CITED4: variants seen among roughly 807,000 people sequenced by gnomAD.
CITED4 encodes Cbp/p300 interacting transactivator with ED-rich tail 4, also known as cbp/p300-interacting transactivator 4.
A neutral mutation model predicts 3.3 loss-of-function variants in CITED4; 3 were observed. That is an observed-to-expected ratio of 0.92 (90% CI 0.42 to 2.38). The LOEUF is 2.38. CITED4 is among the 30% of genes most tolerant of loss of function. The probability of loss-of-function intolerance (pLI) is 0.05; values close to 1 mark genes in which losing one functional copy is unlikely to be tolerated. For synonymous variants in CITED4, 167 were observed against 145.8 expected (o/e 1.15, Z -1.05); for missense variants, 333 against 274.2 (o/e 1.21, Z -1.51).
rs563742090 is a variant in CITED4 at position 40,861,558 on chromosome 1, G to A, written c.*15C>T. The A allele has an allele frequency of 3.1e-4, 432 of 1,380,580 alleles. 1 individual carries two copies. The African/African-American group carries it at 6.0e-3, about 19-fold the overall frequency. 85.5% of individuals were successfully genotyped at this position (1,380,580 alleles called of 1,614,324 possible). A position where few individuals can be genotyped will look rare whatever the true frequency, so the allele number is the denominator to read the frequency against. On this transcript the variant is annotated 3_prime_UTR_variant, in exon 1 of 1. Coordinates refer to ENST00000372638, the MANE Select transcript of CITED4 (RefSeq NM_133467.3). ...CTTTCTCCTCTCCGGCACGCCGGGCGGGCGCCGGCCGCCCTCAGCAGCTCA... is the reference window on the plus strand; with the variant it reads ...CTTTCTCCTCTCCGGCACGCCGGGCAGGCGCCGGCCGCCCTCAGCAGCTCA...
chr1:40,861,955 TGGC>T lies in CITED4; in HGVS notation c.170_172del (p.Arg57del), dbSNP rs1649393290. 8.0e-7 allele frequency: 1 copy of T among 1,244,242 alleles called. No individual in the cohort carries two copies. Among genetic ancestry groups the T allele is most frequent in the Non-Finnish European group, 1.0e-6 (1 of 994,336 alleles). The allele number at this position is 1,244,242 out of a possible 1,614,324, so 77.1% of individuals were successfully genotyped here. ...GGCCCCGTACGCCAGGGCCCCGGGT[TGGC>T]GGGGCGGCGGCGGCCCCAGCGGAGC... is the stretch of plus-strand genomic sequence containing the variant. On this transcript the variant is annotated inframe_deletion, in exon 1 of 1. Coordinates refer to ENST00000372638, the MANE Select transcript of CITED4 (RefSeq NM_133467.3).
Position 40,861,501 on chromosome 1 carries a change from G to C in CITED4, c.*72C>G, listed in dbSNP as rs1473351267. 4 of 990,912 alleles carry C rather than the reference G, an allele frequency of 4.0e-6. No individual in the cohort carries two copies. The East Asian group carries it at 1.4e-4, about 36-fold the overall frequency. 61.4% of individuals were successfully genotyped at this position (990,912 alleles called of 1,614,324 possible). A position where few individuals can be genotyped will look rare whatever the true frequency, so the allele number is the denominator to read the frequency against. ...CGGAGGGCGCGCGCGGGGCCCAGTC[G>C]CTGGGTGCAGGGTCCGGCGGGCAGT... is the stretch of plus-strand genomic sequence containing the variant. On this transcript the variant is annotated 3_prime_UTR_variant, in exon 1 of 1. Transcript: ENST00000372638.
rs1649397397 is a variant in CITED4, at chr1:40,862,041, G to C, written c.87C>G (p.Leu29=). The part of the protein sequence containing the change: ...SAAAAHGPHA[L]RTLPPYAGPG... ...GGCCCGCGTACGGCGGCAGAGTCCGGAGCGCATGAGGGCCATGGGCGGCCG... is the reference window on the plus strand; with the variant it reads ...GGCCCGCGTACGGCGGCAGAGTCCGCAGCGCATGAGGGCCATGGGCGGCCG... Residue 29 remains leucine, a synonymous_variant, in exon 1 of 1, where the codon CTC becomes CTG. Coordinates refer to ENST00000372638, the MANE Select transcript of CITED4 (RefSeq NM_133467.3). The C allele has an allele frequency of 7.6e-7, 1 of 1,321,306 alleles. No homozygotes were observed. The highest frequency in any genetic ancestry group is 9.7e-7 in the Non-Finnish European group (1 of 1,034,766). The allele number at this position is 1,321,306 out of a possible 1,614,324, so 81.8% of individuals were successfully genotyped here. A position where few individuals can be genotyped will look rare whatever the true frequency, so the allele number is the denominator to read the frequency against.
rs1457172649 is a variant in CITED4 at position 40,861,953 on chromosome 1, G to C, written c.175C>G (p.Pro59Ala). Residue 59 changes from proline to alanine, a missense_variant, in exon 1 of 1, where the codon CCC becomes GCC. Transcript: ENST00000372638. ...APLGPPPPRQ[P>A]GALAYGAFGP... ...AAGGCCCCGTACGCCAGGGCCCCGG[G>C]TTGGCGGGGCGGCGGCGGCCCCAGC... 1 of 1,245,968 alleles carries C rather than the reference G, an allele frequency of 8.0e-7. No individual in the cohort carries two copies. Among genetic ancestry groups the C allele is most frequent in the Non-Finnish European group, 1.0e-6 (1 of 994,822 alleles). The allele number at this position is 1,245,968 out of a possible 1,614,324, so 77.2% of individuals were successfully genotyped here.
rs1360303726 is a variant in CITED4 at position 40,862,286 on chromosome 1, C to CA, written c.-160dup. ...ACCAAACCCGACTGGTGCCCCGGCC[C>CA]AGCCCACTACTGCGCACCTTGCGGC... On this transcript the variant is annotated 5_prime_UTR_variant, in exon 1 of 1. Transcript: ENST00000372638. The CA allele has an allele frequency of 2.7e-6, 1 of 370,352 alleles. No homozygotes were observed. Among genetic ancestry groups the CA allele is most frequent in the Non-Finnish European group, 4.7e-6 (1 of 214,246 alleles). The allele number at this position is 370,352 out of a possible 1,614,324, so 22.9% of individuals were successfully genotyped here. A position where few individuals can be genotyped will look rare whatever the true frequency, so the allele number is the denominator to read the frequency against.
chr1:40,861,292 G>T lies in CITED4; in HGVS notation c.*281C>A. 1 of 219,662 alleles carries T rather than the reference G, an allele frequency of 4.6e-6. No individual in the cohort carries two copies. Among genetic ancestry groups the T allele is most frequent in the Non-Finnish European group, 9.0e-6 (1 of 111,576 alleles). The allele number at this position is 219,662 out of a possible 1,614,324, so 13.6% of individuals were successfully genotyped here. A position where few individuals can be genotyped will look rare whatever the true frequency, so the allele number is the denominator to read the frequency against. Reference sequence around the variant, plus strand: ...GGGGAAGAGGGCGGCGAGGGGGAGAGGACACGATCCAAGAACCAGAGTCCG... The same window carrying T: ...GGGGAAGAGGGCGGCGAGGGGGAGATGACACGATCCAAGAACCAGAGTCCG... On this transcript the variant is annotated 3_prime_UTR_variant, in exon 1 of 1. Transcript: ENST00000372638.
At position 40,861,605 on chromosome 1, in the gene CITED4, AC is replaced by A; in HGVS notation, c.522del (p.Ser175ProfsTer8). The A allele has an allele frequency of 6.8e-7, 1 of 1,466,910 alleles. No homozygotes were observed. The highest frequency in any genetic ancestry group is 9.0e-7 in the Non-Finnish European group (1 of 1,112,800). 90.9% of individuals were successfully genotyped at this position (1,466,910 alleles called of 1,614,324 possible). A position where few individuals can be genotyped will look rare whatever the true frequency, so the allele number is the denominator to read the frequency against. On this transcript the variant is annotated frameshift_variant, in exon 1 of 1. Coordinates refer to ENST00000372638, the MANE Select transcript of CITED4 (RefSeq NM_133467.3). LOFTEE classifies it high-confidence loss of function. ...QSEFDCFSDL[G>X]SAPPAGSVSC is the part of the protein sequence containing the mutation. Reference sequence around the variant, plus strand: ...CTCACGGAGCCGGCGGGCGGCGCGGACCCCAAGTCCGAGAAGCAGTCGAACT... The same window carrying A: ...CTCACGGAGCCGGCGGGCGGCGCGGACCCAAGTCCGAGAAGCAGTCGAACT...
At position 40,861,763 on chromosome 1, in the gene CITED4, G is replaced by C. The variant is rs1242538046; in HGVS notation, c.365C>G (p.Pro122Arg). 1 of 1,191,752 alleles carries C rather than the reference G, an allele frequency of 8.4e-7. No homozygotes were observed. The highest frequency in any genetic ancestry group is 1.6e-5 in the African/African-American group (1 of 61,970). 73.8% of individuals were successfully genotyped at this position (1,191,752 alleles called of 1,614,324 possible). Residue 122 changes from proline to arginine, a missense_variant, in exon 1 of 1, where the codon CCG becomes CGG. Pro to Arg is a moderately radical substitution (Grantham distance 103). Coordinates refer to ENST00000372638, the MANE Select transcript of CITED4 (RefSeq NM_133467.3). ...GCCCAGGGCGTGCGCGGGCGGCGGC[G>C]GGGCTGCGGCGCTTGGCGCCGGCTG... The part of the protein sequence containing the change: ...GPQPAPSAAA[P>R]PPPAHALGGM...
At position 40,861,425 on chromosome 1, in the gene CITED4, G is replaced by A. The variant is rs1027570524; in HGVS notation, c.*148C>T. 13 of 386,070 alleles carry A rather than the reference G, an allele frequency of 3.4e-5. No homozygotes were observed. The highest frequency in any genetic ancestry group is 5.3e-5 in the Non-Finnish European group (12 of 225,526). 23.9% of individuals were successfully genotyped at this position (386,070 alleles called of 1,614,324 possible). ...AGGCAAGGCCTGGAGGGACGCCAGG[G>A]TCCCAGTCCGGTGCCGGGCCCTGCG... On this transcript the variant is annotated 3_prime_UTR_variant, in exon 1 of 1. Coordinates refer to ENST00000372638, the MANE Select transcript of CITED4 (RefSeq NM_133467.3).
rs1444321802 is a variant in CITED4, at chr1:40,861,916, G to A, written c.212C>T (p.Ser71Phe). The change falls in exon 1 of 1, where the codon TCC becomes TTC. Residue 71 changes from serine to phenylalanine, a missense_variant. By Grantham distance (155) the Ser-to-Phe change is radical. Coordinates refer to ENST00000372638, the MANE Select transcript of CITED4 (RefSeq NM_133467.3). ...CACGGCCGGAAAGGGCTGGAAGGAG[G>A]ACGGCGGCCCGAAGGCCCCGTACGC... ...ALAYGAFGPPSSFQPFPAVPP... is the reference protein window; with the variant it reads ...ALAYGAFGPPFSFQPFPAVPP... 2 of 1,256,490 alleles carry A rather than the reference G, an allele frequency of 1.6e-6. No homozygotes were observed. The highest frequency in any genetic ancestry group is 2.0e-6 in the Non-Finnish European group (2 of 996,994). The allele number at this position is 1,256,490 out of a possible 1,614,324, so 77.8% of individuals were successfully genotyped here.
In CITED4 at chr1:40,862,140, G is replaced by C. The variant is rs1037110423; in HGVS notation, c.-13C>G. The C allele has an allele frequency of 7.1e-5, 90 of 1,266,562 alleles. No individual in the cohort carries two copies. The highest frequency in any genetic ancestry group is 7.8e-5 in the Non-Finnish European group (79 of 1,006,888). 78.5% of individuals were successfully genotyped at this position (1,266,562 alleles called of 1,614,324 possible). A position where few individuals can be genotyped will look rare whatever the true frequency, so the allele number is the denominator to read the frequency against. On this transcript the variant is annotated 5_prime_UTR_variant, in exon 1 of 1. Coordinates refer to ENST00000372638, the MANE Select transcript of CITED4 (RefSeq NM_133467.3). ...GGTGGTCGGCCATGGCGGCAGGCCG[G>C]CTGCCTGCGGGGACAGCGCGCGGTG... is the stretch of plus-strand genomic sequence containing the variant.
At position 40,861,907 on chromosome 1, in the gene CITED4, T is replaced by C; in HGVS notation, c.221A>G (p.Gln74Arg). The change falls in exon 1 of 1, where the codon CAG becomes CGG. Residue 74 changes from glutamine (Q) to arginine (R), a missense_variant. Gln to Arg is a conservative substitution (Grantham distance 43). Transcript: ENST00000372638. ...YGAFGPPSSF[Q>R]PFPAVPPPAA... ...CGGCGGAGGCACGGCCGGAAAGGGC[T>C]GGAAGGAGGACGGCGGCCCGAAGGC... 1 of 1,253,674 alleles carries C rather than the reference T, an allele frequency of 8.0e-7. No homozygotes were observed. Among genetic ancestry groups the C allele is most frequent in the South Asian group, 2.4e-5 (1 of 42,388 alleles). The allele number at this position is 1,253,674 out of a possible 1,614,324, so 77.7% of individuals were successfully genotyped here. A position where few individuals can be genotyped will look rare whatever the true frequency, so the allele number is the denominator to read the frequency against.
At position 40,861,485 on chromosome 1, in the gene CITED4, C is replaced by A. The variant is rs960551164; in HGVS notation, c.*88G>T. On this transcript the variant is annotated 3_prime_UTR_variant, in exon 1 of 1. Transcript: ENST00000372638. ...GCCGCCTCCACCCTCGCGGAGGGCG[C>A]GCGCGGGGCCCAGTCGCTGGGTGCA... 1.2e-6 allele frequency: 1 copy of A among 809,956 alleles called. No individual in the cohort carries two copies. Among genetic ancestry groups the A allele is most frequent in the Non-Finnish European group, 1.7e-6 (1 of 605,422 alleles). 50.2% of individuals were successfully genotyped at this position (809,956 alleles called of 1,614,324 possible).
Position 40,861,940 on chromosome 1 carries a change from G to A in CITED4, c.188C>T (p.Ala63Val), listed in dbSNP as rs1208107792. The change falls in exon 1 of 1, where the codon GCG becomes GTG. Residue 63 changes from alanine to valine, a missense_variant. By Grantham distance (64) the Ala-to-Val change is moderately conservative. Coordinates refer to ENST00000372638, the MANE Select transcript of CITED4 (RefSeq NM_133467.3). ...GGACGGCGGCCCGAAGGCCCCGTACGCCAGGGCCCCGGGTTGGCGGGGCGG... is the reference window on the plus strand; with the variant it reads ...GGACGGCGGCCCGAAGGCCCCGTACACCAGGGCCCCGGGTTGGCGGGGCGG... ...PPPPRQPGAL[A>V]YGAFGPPSSF... is the part of the protein sequence containing the mutation. The A allele has an allele frequency of 3.2e-6, 4 of 1,245,630 alleles. No individual in the cohort carries two copies. The highest frequency in any genetic ancestry group is 3.5e-5 in the East Asian group (1 of 28,490). The allele number at this position is 1,245,630 out of a possible 1,614,324, so 77.2% of individuals were successfully genotyped here.
Position 40,861,103 on chromosome 1 carries a change from G to C in CITED4, c.*470C>G, listed in dbSNP as rs1335702683. 6.5e-6 allele frequency: 1 copy of C among 153,160 alleles called. No individual in the cohort carries two copies. The highest frequency in any genetic ancestry group is 3.4e-3 in the Middle Eastern group (1 of 296). The allele number at this position is 153,160 out of a possible 1,614,324, so 9.5% of individuals were successfully genotyped here. ...GGTTTTGGAGGCCAGACAGGGCATT[G>C]CTCCACGGGTTCGGGCTGTACAACC... On this transcript the variant is annotated 3_prime_UTR_variant, in exon 1 of 1. Transcript: ENST00000372638.
At position 40,862,164 on chromosome 1, in the gene CITED4, TG is replaced by T; in HGVS notation, c.-38del. ...GGCTGCCTGCGGGGACAGCGCGCGG[TG>T]GTCAGCGCCGGCTCCCCCGGCCCGG... is the stretch of plus-strand genomic sequence containing the variant. On this transcript the variant is annotated 5_prime_UTR_variant, in exon 1 of 1. Coordinates refer to ENST00000372638, the MANE Select transcript of CITED4 (RefSeq NM_133467.3). 8.3e-7 allele frequency: 1 copy of T among 1,207,074 alleles called. No individual in the cohort carries two copies. Among genetic ancestry groups the T allele is most frequent in the South Asian group, 3.1e-5 (1 of 32,122 alleles). 74.8% of individuals were successfully genotyped at this position (1,207,074 alleles called of 1,614,324 possible).
chr1:40,862,133 C>A lies in CITED4; in HGVS notation c.-6G>T. 1.6e-6 allele frequency: 2 copies of A among 1,276,114 alleles called. No individual in the cohort carries two copies. Among genetic ancestry groups the A allele is most frequent in the South Asian group, 2.4e-5 (1 of 42,334 alleles). The allele number at this position is 1,276,114 out of a possible 1,614,324, so 79.0% of individuals were successfully genotyped here. A position where few individuals can be genotyped will look rare whatever the true frequency, so the allele number is the denominator to read the frequency against. On this transcript the variant is annotated 5_prime_UTR_variant, in exon 1 of 1. Coordinates refer to ENST00000372638, the MANE Select transcript of CITED4 (RefSeq NM_133467.3). ...AGCATCAGGTGGTCGGCCATGGCGGCAGGCCGGCTGCCTGCGGGGACAGCG... is the reference window on the plus strand; with the variant it reads ...AGCATCAGGTGGTCGGCCATGGCGGAAGGCCGGCTGCCTGCGGGGACAGCG...
Position 40,861,355 on chromosome 1 carries a change from C to G in CITED4, c.*218G>C. 3.1e-6 allele frequency: 1 copy of G among 321,482 alleles called. No individual in the cohort carries two copies. Among genetic ancestry groups the G allele is most frequent in the African/African-American group, 2.2e-5 (1 of 46,184 alleles). The allele number at this position is 321,482 out of a possible 1,614,324, so 19.9% of individuals were successfully genotyped here. A position where few individuals can be genotyped will look rare whatever the true frequency, so the allele number is the denominator to read the frequency against. ...GGTCCGGTCTCTTTCACTTTACGGCCGAGGCTGGGGTCAGAGAAGTGAAGC... is the reference window on the plus strand; with the variant it reads ...GGTCCGGTCTCTTTCACTTTACGGCGGAGGCTGGGGTCAGAGAAGTGAAGC... On this transcript the variant is annotated 3_prime_UTR_variant, in exon 1 of 1. Coordinates refer to ENST00000372638, the MANE Select transcript of CITED4 (RefSeq NM_133467.3).
chr1:40,861,885 C>A lies in CITED4; in HGVS notation c.243G>T (p.Pro81=). 4.1e-6 allele frequency: 5 copies of A among 1,233,466 alleles called. No individual in the cohort carries two copies. The highest frequency in any genetic ancestry group is 5.1e-6 in the Non-Finnish European group (5 of 982,200). 76.4% of individuals were successfully genotyped at this position (1,233,466 alleles called of 1,614,324 possible). ...SSFQPFPAVP[P]PAAGIAHLQP... ...GCAGGTGCGCGATGCCCGCGGCCGG[C>A]GGAGGCACGGCCGGAAAGGGCTGGA... The change falls in exon 1 of 1, where the codon CCG becomes CCT. Residue 81 remains proline (P), a synonymous_variant. Coordinates refer to ENST00000372638, the MANE Select transcript of CITED4 (RefSeq NM_133467.3).
Sources: allele counts gnomAD v4.1 joint callset, GRCh38; gene constraint gnomAD v4.1.1; transcripts MANE v1.5; gene names NCBI Gene and HGNC (gene_info 2026-07-23, HGNC 2026-07-21).